The following CCDC15 variants were observed in gnomAD, a reference collection of about 807,000 sequenced individuals.
The protein encoded by CCDC15 is coiled-coil domain containing 15.
Under a neutral mutation model 114.5 loss-of-function variants are expected in CCDC15, and 105 were observed. The ratio of observed to expected loss-of-function variants is 0.92; its 90% CI spans 0.78 to 1.08. The LOEUF is 1.08. CCDC15 is among the 50% of genes least tolerant of loss of function. The pLI is 0.00. For missense variants in CCDC15, 1,105 were observed against 1,093.6 expected, an observed-to-expected ratio of 1.01 and a Z score of -0.15; for synonymous variants, 334 against 377.8, an observed-to-expected ratio of 0.88 and a Z score of 1.34.
rs1948191904 is a variant in CCDC15, at chr11:124,987,557, A to G, written c.1331A>G (p.Tyr444Cys). ...LPKDQSILLKYQDQDFLPRDQ... is the reference protein window; with the variant it reads ...LPKDQSILLKCQDQDFLPRDQ... ...AAAGACCAGAGTATTCTACTCAAATATCAGGACCAGGACTTCCTACCCAGA... is the reference window on the plus strand; with the variant it reads ...AAAGACCAGAGTATTCTACTCAAATGTCAGGACCAGGACTTCCTACCCAGA... Residue 444 changes from tyrosine (Y) to cysteine (C), a missense_variant, in exon 8 of 16, where the codon TAT becomes TGT. Coordinates refer to ENST00000344762, the MANE Select transcript of CCDC15 (RefSeq NM_025004.3). The G allele has an allele frequency of 6.2e-7, 1 of 1,614,040 alleles. No homozygotes were observed. The highest frequency in any genetic ancestry group is 8.5e-7 in the Non-Finnish European group (1 of 1,179,898).
chr11:124,980,736 G>A (rs1948060015), intron 6 of CCDC15, among the ~76,000 whole-genome samples: 1 of 152,028 alleles, frequency 6.6e-6, no homozygotes, highest in Admixed American at 6.6e-5. Context: ...TTGATTTCTT[G>A]TGTGTTTTCT....
Position 124,991,486 on chromosome 11 carries a change from C to A in CCDC15, c.1934C>A (p.Ser645Tyr). ...YQKVHFKEPY[S>Y]DMTDEKGRED... ...AAAGTACACTTTAAGGAGCCATACT[C>A]TGATATGACAGATGAGAAAGGGAGA... is the stretch of plus-strand genomic sequence containing the variant. Residue 645 changes from serine (S) to tyrosine (Y), a missense_variant, in exon 9 of 16, where the codon TCT becomes TAT. Ser to Tyr is a moderately radical substitution (Grantham distance 144). Coordinates refer to ENST00000344762, the MANE Select transcript of CCDC15 (RefSeq NM_025004.3). The A allele has an allele frequency of 6.3e-7, 1 of 1,594,604 alleles. No individual in the cohort carries two copies. The highest frequency in any genetic ancestry group is 8.6e-7 in the Non-Finnish European group (1 of 1,164,472).
At chr11:124,974,565 G>A (rs981899626) in intron 4 of CCDC15, among the ~76,000 whole-genome samples, 31 of 152,164 alleles carry the variant, frequency 2.0e-4, no homozygotes, top group African/African-American at 7.0e-4. Context: ...GAAGAGGAAG[G>A]GAGATTCAAG....
chr11:125,025,134 A>G (rs1290938088), intron 13 of CCDC15, among the ~76,000 whole-genome samples: 2 of 145,052 alleles, frequency 1.4e-5, no homozygotes, highest in Non-Finnish European at 3.0e-5. Context: ...ATATGAATAT[A>G]TATGAATATA....
At chr11:124,997,212 G>A (rs1948388556) in intron 11 of CCDC15, among the ~76,000 whole-genome samples, 1 of 152,168 alleles carries the variant, frequency 6.6e-6, no homozygotes, top group African/African-American at 2.4e-5. Context: ...AAAAAATGTG[G>A]AAATGGCTAA....
intron 5 of CCDC15, 74 bp from the exon 6 acceptor site, chr11:124,977,404 A>G: frequency 7.4e-7 from 1 of 1,352,798 alleles, no homozygotes; most frequent in Non-Finnish European, 9.8e-7. Context: ...GATCTTTCAC[A>G]GAAACTCAAC....
Position 125,040,611 on chromosome 11 carries a change from C to A in CCDC15, c.2756C>A (p.Ser919Ter). 1 of 1,610,048 alleles carries A rather than the reference C, an allele frequency of 6.2e-7. No homozygotes were observed. The highest frequency in any genetic ancestry group is 8.5e-7 in the Non-Finnish European group (1 of 1,177,846). The change falls in exon 16 of 16, where the codon TCA becomes TAA. Residue 919 changes from serine to a stop codon, truncating the protein, a stop_gained. Transcript: ENST00000344762. LOFTEE classifies it high-confidence loss of function. Reference sequence around the variant, plus strand: ...GCAGCATATACTCGGGCACTACATTCATTCATCAATTCCTGTGATGTCCCT... The same window carrying A: ...GCAGCATATACTCGGGCACTACATTAATTCATCAATTCCTGTGATGTCCCT... ...NHRAYTRALH[S>*]FINSCDVPGG...
chr11:125,038,632 T>C, intron 14 of CCDC15, 28 bp downstream of exon 14: 1 of 1,510,020 alleles, frequency 6.6e-7, no homozygotes, highest in South Asian at 1.3e-5. Flanking sequence ...TCATGATATT[T>C]TGGCTCTAGA....
intron 4 of CCDC15, among the ~76,000 whole-genome samples, chr11:124,970,130 A>G (rs748714165): frequency 1.1e-4 from 16 of 152,114 alleles, no homozygotes; most frequent in Non-Finnish European, 1.8e-4. Context: ...ATTAACTGGT[A>G]TTGTCATCTC....
intron 9 of CCDC15, among the ~76,000 whole-genome samples, chr11:124,992,074 T>A (rs1948279144): frequency 6.6e-6 from 1 of 152,106 alleles, no homozygotes; most frequent in South Asian, 2.1e-4. Flanking sequence ...GAGCATAGAG[T>A]GTTAAACACT....
In CCDC15 at chr11:124,987,943, G is replaced by C; in HGVS notation, c.1717G>C (p.Asp573His). 6.2e-7 allele frequency: 1 copy of C among 1,613,844 alleles called. No individual in the cohort carries two copies. ...LPRDQGVLPK[D>H]QNILPICQDQ... ...CAGAGACCAAGGTGTTCTTCCCAAAGACCAAAATATTCTACCCATATGTCA... is the reference window on the plus strand; with the variant it reads ...CAGAGACCAAGGTGTTCTTCCCAAACACCAAAATATTCTACCCATATGTCA... The change falls in exon 8 of 16, where the codon GAC becomes CAC. Residue 573 changes from aspartate (D) to histidine (H), a missense_variant. Asp to His is a moderately conservative substitution (Grantham distance 81). Transcript: ENST00000344762.
chr11:125,038,426 T>A lies in CCDC15; in HGVS notation c.2412-5T>A. 1 of 1,440,010 alleles carries A rather than the reference T, an allele frequency of 6.9e-7. No individual in the cohort carries two copies. 89.2% of individuals were successfully genotyped at this position (1,440,010 alleles called of 1,614,324 possible). On this transcript the variant is annotated splice_region_variant and splice_polypyrimidine_tract_variant and intron_variant, in intron 13 of 15. Coordinates refer to ENST00000344762, the MANE Select transcript of CCDC15 (RefSeq NM_025004.3). ...TTCCTAACCATGTTATGATTTTATT[T>A]TCAGAATTAAGAAAAAGAGAGAGCA...
intron 15 of CCDC15, among the ~76,000 whole-genome samples, chr11:125,039,822 C>T (rs1358888361): frequency 6.6e-6 from 1 of 150,628 alleles, no homozygotes; most frequent in Non-Finnish European, 1.5e-5. Flanking sequence ...GGGCCCTACT[C>T]TAGCCTTATC....
intron 13 of CCDC15, among the ~76,000 whole-genome samples, chr11:125,011,248 A>ATTTT (rs71478462): frequency 9.5e-5 from 14 of 147,212 alleles, no homozygotes; most frequent in African/African-American, 3.5e-4. Context: ...TATTATTATT[A>ATTTT]TTTTTTAAGA....
rs912848519 is a variant in CCDC15, at chr11:124,975,245, C to G, written c.630+36C>G. 5 of 1,257,480 alleles carry G rather than the reference C, an allele frequency of 4.0e-6. No individual in the cohort carries two copies. In the African/African-American group the frequency reaches 7.8e-5, roughly 20 times the overall value. 77.9% of individuals were successfully genotyped at this position (1,257,480 alleles called of 1,614,324 possible). On this transcript the variant is annotated intron_variant, in intron 5 of 15. Transcript: ENST00000344762. The stretch of plus-strand genomic sequence containing the variant: ...TTCTAATACATGATTTAAAAAAATA[C>G]AGGTAAAAAATACAGATAAAGATTT...
At chr11:124,981,507 G>C (rs12796455) in intron 6 of CCDC15, among the ~76,000 whole-genome samples, 17 of 151,958 alleles carry the variant, frequency 1.1e-4, no homozygotes, top group Non-Finnish European at 1.0e-4. Flanking sequence ...ACCACACCTG[G>C]CTAATTTTTG....
intron 6 of CCDC15, 30 bp from the exon 7 acceptor site, chr11:124,986,712 C>G: frequency 1.4e-6 from 2 of 1,438,800 alleles, no homozygotes; most frequent in Non-Finnish European, 1.9e-6. Context: ...CGCGCGCGCG[C>G]GTGCGCGTTT....
chr11:125,038,908 T>G lies in CCDC15; in HGVS notation c.2586-13T>G. ...AATAGTTCACTTTGCCTGATTATAC[T>G]TTATTTGTACAGATATGTAGAAGCT... On this transcript the variant is annotated splice_polypyrimidine_tract_variant and intron_variant, in intron 14 of 15. Coordinates refer to ENST00000344762, the MANE Select transcript of CCDC15 (RefSeq NM_025004.3). The G allele has an allele frequency of 6.2e-7, 1 of 1,602,518 alleles. No individual in the cohort carries two copies. Among genetic ancestry groups the G allele is most frequent in the Non-Finnish European group, 8.5e-7 (1 of 1,174,840 alleles).
At chr11:124,964,625 C>G (rs574574121) in intron 4 of CCDC15, among the ~76,000 whole-genome samples, 24 of 152,194 alleles carry the variant, frequency 1.6e-4, no homozygotes, top group South Asian at 2.1e-4. Flanking sequence ...AATTGAATAC[C>G]CTTTATGTCT....
Sources: gnomAD v4.1 joint callset for allele counts (sites outside exome capture counted in the v4.1 genomes callset) on GRCh38, gnomAD v4.1.1 for gene constraint, MANE v1.5 for transcripts, NCBI Gene and HGNC (gene_info 2026-07-23, HGNC 2026-07-21) for gene names.